Variants in DCDC1 observed in about 807,000 individuals in gnomAD.
The protein encoded by DCDC1 is doublecortin domain containing 1, also known as doublecortin domain-containing protein 1.
In DCDC1, 200 loss-of-function variants were observed where a neutral mutation model predicts 178.3. The observed-to-expected ratio is 1.12, with a 90% confidence interval of 1.00 to 1.26. DCDC1 has a LOEUF of 1.26. DCDC1 is among the 50% of genes most tolerant of loss of function. DCDC1 has a pLI of 0.00. For missense variants in DCDC1, 1,983 were observed against 1,749.2 expected, an observed-to-expected ratio of 1.13 and a Z score of -2.38; for synonymous variants, 690 against 604.8, an observed-to-expected ratio of 1.14 and a Z score of -2.07.
At chr11:31,354,079 A>G (rs991787025) in intron 1 of DCDC1, among the ~76,000 whole-genome samples, 3 of 152,196 alleles carry the variant, frequency 2.0e-5, no homozygotes, top group Non-Finnish European at 4.4e-5. Flanking sequence ...CGAGGTCAAG[A>G]GATAGAGACC....
At chr11:31,104,198 G>C (rs1958698735) in intron 13 of DCDC1, among the ~76,000 whole-genome samples, 1 of 152,032 alleles carries the variant, frequency 6.6e-6, no homozygotes, top group Non-Finnish European at 1.5e-5. Context: ...ATGCTGATTT[G>C]ATTTTCATAT....
rs1463246383 is a variant in DCDC1 at position 31,106,687 on chromosome 11, T to C, written c.1751+110A>G. On this transcript the variant is annotated intron_variant, in intron 13 of 38. Coordinates refer to ENST00000684477, the MANE Select transcript of DCDC1 (RefSeq NM_001387274.1). ...AACACCTCTAAAATTTTATTGGAAT[T>C]CAAAATAAAAAATGTTTCATGAAGG... 22 of 698,970 alleles carry C rather than the reference T, an allele frequency of 3.1e-5. No homozygotes were observed. In the East Asian group the frequency reaches 3.7e-4, roughly 12 times the overall value. 43.3% of individuals were successfully genotyped at this position (698,970 alleles called of 1,614,324 possible).
At chr11:31,098,843 T>C (rs1958319702) in intron 15 of DCDC1, among the ~76,000 whole-genome samples, 1 of 152,230 alleles carries the variant, frequency 6.6e-6, no homozygotes, top group South Asian at 2.1e-4. Flanking sequence ...TGTTTGTCTT[T>C]GAAAGCTTCT....
chr11:31,041,926 TAA>T (rs1217930448), intron 20 of DCDC1, among the ~76,000 whole-genome samples: 3 of 152,160 alleles, frequency 2.0e-5, no homozygotes, highest in Admixed American at 6.5e-5. Flanking sequence ...AACAAAGAAC[TAA>T]GTCTTATTTT....
intron 17 of DCDC1, among the ~76,000 whole-genome samples, chr11:31,085,190 T>C (rs983390048): frequency 5.9e-5 from 9 of 151,798 alleles, no homozygotes; most frequent in Non-Finnish European, 1.2e-4. Context: ...AAAAAACTGC[T>C]TTATTGAAAA....
At chr11:31,279,474 G>A (rs1471597881) in intron 7 of DCDC1, among the ~76,000 whole-genome samples, 3 of 152,068 alleles carry the variant, frequency 2.0e-5, no homozygotes, top group Non-Finnish European at 2.9e-5. Flanking sequence ...TCACAATGGC[G>A]AAGACTTGAA....
chr11:31,235,340 T>C (rs1433620800), intron 9 of DCDC1, among the ~76,000 whole-genome samples: 1 of 151,776 alleles, frequency 6.6e-6, no homozygotes, highest in African/African-American at 2.4e-5. Context: ...CAGGGAAACT[T>C]AAAGTGCCTA....
chr11:31,068,179 T>G (rs932408434), intron 18 of DCDC1, among the ~76,000 whole-genome samples: 1 of 152,184 alleles, frequency 6.6e-6, no homozygotes, highest in African/African-American at 2.4e-5. Flanking sequence ...AAACAAATCT[T>G]TGTTGAATTA....
At position 30,903,667 on chromosome 11, in the gene DCDC1, G is replaced by C. The variant is rs769411305; in HGVS notation, c.4325C>G (p.Thr1442Arg). ...GTFPMLLTEC[T>R]EQLGLARAAS... is the part of the protein sequence containing the mutation. Reference sequence around the variant, plus strand: ...TGCTCTGGCAAGCCCAAGTTGTTCCGTGCATTCTGTAAGAAGCTAGATAAC... The same window carrying C: ...TGCTCTGGCAAGCCCAAGTTGTTCCCTGCATTCTGTAAGAAGCTAGATAAC... The change falls in exon 32 of 39, where the codon ACG (threonine) becomes AGG (arginine). Residue 1442 changes from threonine (T) to arginine (R), a missense_variant. Coordinates refer to ENST00000684477, the MANE Select transcript of DCDC1 (RefSeq NM_001387274.1). 6.2e-7 allele frequency: 1 copy of C among 1,602,066 alleles called. No individual in the cohort carries two copies. Among genetic ancestry groups the C allele is most frequent in the South Asian group, 1.1e-5 (1 of 88,024 alleles).
intron 6 of DCDC1, among the ~76,000 whole-genome samples, chr11:31,291,820 C>T (rs1195654596): frequency 6.6e-6 from 1 of 151,816 alleles, no homozygotes. Flanking sequence ...TGAAATTTGC[C>T]CAGATTTTCA....
In DCDC1 at chr11:30,962,153, C is replaced by A. The variant is rs150376014; in HGVS notation, c.2592-9585G>T. Among the ~76,000 whole-genome samples, 424 of 152,008 alleles carry A rather than the reference C, an allele frequency of 2.8e-3. 1 individual carries two copies. The highest frequency in any genetic ancestry group is 9.7e-3 in the African/African-American group (401 of 41,498). On this transcript the variant is annotated intron_variant, in intron 20 of 38. Coordinates refer to ENST00000684477, the MANE Select transcript of DCDC1 (RefSeq NM_001387274.1). ...TTAAGTAACTTCATCCTAATAGAAA[C>A]AAGACACTAAAGACTGCAGCATTAT...
chr11:31,231,013 G>A (rs940950077), intron 9 of DCDC1, among the ~76,000 whole-genome samples: 6 of 151,916 alleles, frequency 3.9e-5, no homozygotes, highest in Non-Finnish European at 8.8e-5. Context: ...AGGCTGGAAT[G>A]CAGTGGCACA....
intron 1 of DCDC1, among the ~76,000 whole-genome samples, chr11:31,360,923 G>T (rs1028149987): frequency 4.6e-5 from 7 of 152,328 alleles, no homozygotes; most frequent in Admixed American, 4.6e-4. Flanking sequence ...GAGGTCATCA[G>T]ATATGGAGAG....
At chr11:31,199,757 G>T (rs989010024) in intron 9 of DCDC1, among the ~76,000 whole-genome samples, 1 of 152,054 alleles carries the variant, frequency 6.6e-6, no homozygotes, top group East Asian at 1.9e-4. Flanking sequence ...CACATACTTT[G>T]TGTCTGATAC....
At position 31,326,225 on chromosome 11, in the gene DCDC1, G is replaced by A. The variant is rs574482504; in HGVS notation, c.164+1892C>T. 1.9e-4 allele frequency among the ~76,000 whole-genome samples: 28 copies of A among 150,862 alleles called. 1 individual carries two copies. The South Asian group carries it at 5.2e-3, about 28-fold the overall frequency. On this transcript the variant is annotated intron_variant, in intron 3 of 38. Coordinates refer to ENST00000684477, the MANE Select transcript of DCDC1 (RefSeq NM_001387274.1). The stretch of plus-strand genomic sequence containing the variant: ...TGAAACAAAAACTAGAAAAAACAGC[G>A]GTAGGAAAGTGTCACATGAGAAGAA...
intron 20 of DCDC1, among the ~76,000 whole-genome samples, chr11:30,971,156 G>A (rs1482054659): frequency 4.7e-4 from 72 of 152,106 alleles, no homozygotes; most frequent in Non-Finnish European, 1.5e-5. Context: ...TCATGAAAAA[G>A]TCCTCATCTA....
At chr11:31,037,312 T>C (rs1449635331) in intron 20 of DCDC1, among the ~76,000 whole-genome samples, 2 of 152,230 alleles carry the variant, frequency 1.3e-5, no homozygotes, top group East Asian at 3.8e-4. Context: ...ATCACTATGA[T>C]GTCCCAGAAC....
chr11:30,881,273 G>A lies in DCDC1; in HGVS notation c.5118C>T (p.Thr1706=), dbSNP rs756875887. The change falls in exon 37 of 39, where the codon ACC becomes ACT. Residue 1706 remains threonine, a synonymous_variant. Transcript: ENST00000684477. ...LQDCSSRLKM[T]HPARALYTPS... ...GGGTGTACAGTGCTCTAGCTGGGTG[G>A]GTCATTTTGAGACGAGAGGAGCAGT... 10 of 1,613,384 alleles carry A rather than the reference G, an allele frequency of 6.2e-6. No individual in the cohort carries two copies. In the East Asian group the frequency reaches 2.2e-4, roughly 36 times the overall value.
intron 9 of DCDC1, among the ~76,000 whole-genome samples, chr11:31,207,413 G>T (rs921654522): frequency 6.6e-6 from 1 of 152,114 alleles, no homozygotes. Context: ...CTTCCCAACT[G>T]GTATTTGTGC....
Sources: gnomAD v4.1 joint callset for allele counts (sites outside exome capture counted in the v4.1 genomes callset) on GRCh38, gnomAD v4.1.1 for gene constraint, MANE v1.5 for transcripts, NCBI Gene and HGNC (gene_info 2026-07-23, HGNC 2026-07-21) for gene names.